Variants in DENND5A observed in about 807,000 individuals in gnomAD.
The protein encoded by DENND5A is DENN domain-containing protein 5A.
Under a neutral mutation model 140.3 loss-of-function variants are expected in DENND5A, and 64 were observed. That is an observed-to-expected ratio of 0.46 (90% confidence interval 0.37 to 0.56). DENND5A has a LOEUF of 0.56. DENND5A is among the 20% of genes least tolerant of loss of function. The pLI is 0.00. For synonymous variants in DENND5A, 605 were observed against 607.7 expected (o/e 1.00, Z 0.07); for missense variants, 1,292 against 1,593.8 (o/e 0.81, Z 3.22).
intron 5 of DENND5A, among the ~76,000 whole-genome samples, chr11:9,182,008 T>C (rs974388809): frequency 2.6e-5 from 4 of 152,042 alleles, no homozygotes; most frequent in Non-Finnish European, 5.9e-5. Context: ...GCTGATGGGG[T>C]AGATAATCTG....
Position 9,150,160 on chromosome 11 carries a change from C to A in DENND5A, c.2656G>T (p.Ala886Ser), listed in dbSNP as rs897401738. The A allele has an allele frequency of 1.2e-6, 2 of 1,614,034 alleles. No individual in the cohort carries two copies. The highest frequency in any genetic ancestry group is 1.7e-6 in the Non-Finnish European group (2 of 1,179,924). ...EIKTDVGKAR[A>S]WVRLSMEKKL... is the part of the protein sequence containing the mutation. The stretch of plus-strand genomic sequence containing the variant: ...TTTTCCATGGACAGTCGCACCCATG[C>A]TCTGGCCTTTCCCACATCAGTCTTG... The change falls in exon 15 of 23, where the codon GCA becomes TCA. Residue 886 changes from alanine (A) to serine (S), a missense_variant. This residue lies in a region of DENND5A where 498 missense variants were observed against 689.7 expected (regional missense o/e 0.72). Transcript: ENST00000328194.
At chr11:9,231,302 G>A (rs1850759283) in intron 1 of DENND5A, among the ~76,000 whole-genome samples, 1 of 152,224 alleles carries the variant, frequency 6.6e-6, no homozygotes, top group African/African-American at 2.4e-5. Flanking sequence ...AGAGCCCACA[G>A]CAGCAAACGT....
chr11:9,148,222 T>C (rs1382119948), intron 15 of DENND5A, among the ~76,000 whole-genome samples: 1 of 152,086 alleles, frequency 6.6e-6, no homozygotes, highest in African/African-American at 2.4e-5. Context: ...GCAGCAGAAA[T>C]TTAGACAACT....
rs35267899 is a variant in DENND5A at position 9,238,833 on chromosome 11, CT to C, written c.109+26127del. 5.2e-3 allele frequency among the ~76,000 whole-genome samples: 739 copies of C among 141,964 alleles called. 1 individual carries two copies. The highest frequency in any genetic ancestry group is 0.013 in the African/African-American group (490 of 38,668). 93.1% of individuals were successfully genotyped at this position (141,964 alleles called of 152,430 possible). A position where few individuals can be genotyped will look rare whatever the true frequency, so the allele number is the denominator to read the frequency against. ...CACATCCTTCTATAATTTCTTTTTT[CT>C]TTTTTTTTTTTTTGACACCTAATTT... On this transcript the variant is annotated intron_variant, in intron 1 of 22. Coordinates refer to ENST00000328194, the MANE Select transcript of DENND5A (RefSeq NM_015213.4).
In DENND5A at chr11:9,203,694, G is replaced by C. The variant is rs766726634; in HGVS notation, c.915C>G (p.Ala305=). The change falls in exon 4 of 23, where the codon GCC becomes GCG. Residue 305 remains alanine (A), a synonymous_variant. Transcript: ENST00000328194. ...VENVFQLFTC[A]LLEFQILLYS... is the part of the protein sequence containing the mutation. ...AGAGCAGGATTTGAAACTCCAGAAG[G>C]GCACAAGTAAAAAGCTGAAACACAT... The C allele has an allele frequency of 6.8e-6, 11 of 1,613,808 alleles. No individual in the cohort carries two copies. In the Admixed American group the frequency reaches 1.2e-4, roughly 17 times the overall value.
chr11:9,260,614 T>A (rs1323065637), intron 1 of DENND5A, among the ~76,000 whole-genome samples: 1 of 152,168 alleles, frequency 6.6e-6, no homozygotes, highest in African/African-American at 2.4e-5. Context: ...TTTGCTCACA[T>A]ATTACCTTCT....
chr11:9,153,119 C>T (rs1847683209), intron 12 of DENND5A, among the ~76,000 whole-genome samples: 1 of 151,776 alleles, frequency 6.6e-6, no homozygotes, highest in Non-Finnish European at 1.5e-5. Context: ...GTCAGAAGTT[C>T]GGGACCAGCC....
intron 21 of DENND5A, 42 bp from the exon 22 acceptor site, chr11:9,142,150 C>T (rs769478877): frequency 3.9e-6 from 6 of 1,522,668 alleles, no homozygotes; most frequent in Non-Finnish European, 5.3e-6. Flanking sequence ...AGGCTCTCAA[C>T]ACCAACCCTG....
Position 9,181,016 on chromosome 11 carries a change from G to A in DENND5A, c.1206C>T (p.Pro402=), listed in dbSNP as rs1434100868. 1.2e-6 allele frequency: 2 copies of A among 1,614,136 alleles called. No individual in the cohort carries two copies. The highest frequency in any genetic ancestry group is 1.7e-6 in the Non-Finnish European group (2 of 1,180,020). The stretch of plus-strand genomic sequence containing the variant: ...CTTCCTGGACAAACTCCAATTTGTT[G>A]GGGAACTGTGGCAAGTCCTCTGGCA... The part of the protein sequence containing the change: ...IELPEDLPQF[P]NKLEFVQEVS... The change falls in exon 6 of 23, where the codon CCC becomes CCT. Residue 402 remains proline, a synonymous_variant. Transcript: ENST00000328194.
chr11:9,219,218 A>T (rs888970194), intron 1 of DENND5A, among the ~76,000 whole-genome samples: 1 of 152,156 alleles, frequency 6.6e-6, no homozygotes, highest in Admixed American at 6.5e-5. Flanking sequence ...CTCTTCAAGG[A>T]TCTAGCACAA....
rs771139510 is a variant in DENND5A at position 9,203,997 on chromosome 11, A to G, written c.612T>C (p.Ser204=). Residue 204 remains serine, a synonymous_variant, in exon 4 of 23, where the codon TCT becomes TCC. Coordinates refer to ENST00000328194, the MANE Select transcript of DENND5A (RefSeq NM_015213.4). ...YDISRDTLYV[S]KCICLITPMS... ...TGGGTGTGATGAGGCAGATGCACTT[A>G]GAGACGTAGAGAGTGTCCCGGCTAA... 6.2e-7 allele frequency: 1 copy of G among 1,614,168 alleles called. No individual in the cohort carries two copies. Among genetic ancestry groups the G allele is most frequent in the South Asian group, 1.1e-5 (1 of 91,084 alleles).
chr11:9,237,836 T>C lies in DENND5A; in HGVS notation c.109+27125A>G, dbSNP rs372806645. Among the ~76,000 whole-genome samples, 20 of 152,140 alleles carry C rather than the reference T, an allele frequency of 1.3e-4. No individual in the cohort carries two copies. In the East Asian group the frequency reaches 3.1e-3, roughly 24 times the overall value. On this transcript the variant is annotated intron_variant, in intron 1 of 22. Coordinates refer to ENST00000328194, the MANE Select transcript of DENND5A (RefSeq NM_015213.4). ...AAGCAGAGGTTGCAGTGAGCCGAGATTACACCACTGCATTTCAGCCTGGGC... is the reference window on the plus strand; with the variant it reads ...AAGCAGAGGTTGCAGTGAGCCGAGACTACACCACTGCATTTCAGCCTGGGC...
intron 1 of DENND5A, among the ~76,000 whole-genome samples, chr11:9,263,518 G>A (rs975505766): frequency 3.3e-5 from 5 of 150,464 alleles, no homozygotes; most frequent in Admixed American, 1.3e-4. Context: ...CCGGGTGGTG[G>A]GCCACCGCGC....
At chr11:9,144,529 G>A (rs1847356473) in intron 18 of DENND5A, among the ~76,000 whole-genome samples, 1 of 152,188 alleles carries the variant, frequency 6.6e-6, no homozygotes, top group Admixed American at 6.5e-5. Context: ...GATGGCTCAT[G>A]CCTGTAATCC....
intron 11 of DENND5A, among the ~76,000 whole-genome samples, chr11:9,162,645 C>T (rs1039468415): frequency 6.6e-6 from 1 of 152,078 alleles, no homozygotes; most frequent in Non-Finnish European, 1.5e-5. Flanking sequence ...AACGAAACTA[C>T]AGAAAAGCAA....
intron 1 of DENND5A, among the ~76,000 whole-genome samples, chr11:9,248,224 C>G (rs1851561954): frequency 6.6e-6 from 1 of 152,144 alleles, no homozygotes; most frequent in African/African-American, 2.4e-5. Context: ...TTCAAGTGAT[C>G]CACCTTCCTC....
chr11:9,144,372 C>T, intron 18 of DENND5A, 94 bp from the exon 19 acceptor site: 3 of 1,248,532 alleles, frequency 2.4e-6, no homozygotes, highest in Non-Finnish European at 3.4e-6. Context: ...GAGATAGGCT[C>T]TGAAACCAGG....
Position 9,144,208 on chromosome 11 carries a change from G to A in DENND5A, c.3193C>T (p.Leu1065=). 6.2e-7 allele frequency: 1 copy of A among 1,614,156 alleles called. No homozygotes were observed. The highest frequency in any genetic ancestry group is 2.2e-5 in the East Asian group (1 of 44,878). ...GSLERILVGE[L]LTSQPEVDER... is the part of the protein sequence containing the mutation. Reference sequence around the variant, plus strand: ...TCCACCTCAGGCTGGGATGTGAGCAGCTCCCCAACTAGGATCCGCTCCAGG... The same window carrying A: ...TCCACCTCAGGCTGGGATGTGAGCAACTCCCCAACTAGGATCCGCTCCAGG... Residue 1065 remains leucine (L), a synonymous_variant, in exon 19 of 23, where the codon CTG becomes TTG. Transcript: ENST00000328194.
At chr11:9,212,389 T>C (rs927020908) in intron 1 of DENND5A, among the ~76,000 whole-genome samples, 3 of 152,130 alleles carry the variant, frequency 2.0e-5, no homozygotes, top group African/African-American at 7.2e-5. Flanking sequence ...TTTTCCCAAA[T>C]TTGGTAAAAG....
Sources: gnomAD v4.1 joint callset for allele counts (sites outside exome capture counted in the v4.1 genomes callset) on GRCh38, gnomAD v4.1.1 for gene constraint, gnomAD v4.1.1 regional missense constraint, MANE v1.5 for transcripts, NCBI Gene and HGNC (gene_info 2026-07-23, HGNC 2026-07-21) for gene names.